The following DIAPH3 variants were observed in gnomAD, a reference collection of about 807,000 sequenced individuals.
DIAPH3 encodes diaphanous related formin 3.
DIAPH3 carries 117 observed loss-of-function variants against 144.3 expected under a neutral mutation model. That is an observed-to-expected ratio of 0.81 (90% CI 0.70 to 0.95). The LOEUF (loss-of-function observed/expected upper bound fraction) is 0.95, where lower values mean the gene tolerates loss of function less well. Among genes scored for constraint, DIAPH3 ranks in the 40% least tolerant of loss-of-function variants. The pLI, the probability that DIAPH3 is intolerant of heterozygous loss-of-function variation, is 0.00. For synonymous variants in DIAPH3, 519 were observed against 488.9 expected (o/e 1.06, Z -0.81); for missense variants, 1,421 against 1,412.7 (o/e 1.01, Z -0.09).
At chr13:59,860,951 C>G (rs1215029609) in intron 22 of DIAPH3, among the ~76,000 whole-genome samples, 1 of 151,906 alleles carries the variant, frequency 6.6e-6, no homozygotes, top group Non-Finnish European at 1.5e-5. Context: ...AGTATGGTGT[C>G]TTCTATAACA....
intron 27 of DIAPH3, among the ~76,000 whole-genome samples, chr13:59,724,472 G>C (rs989589256): frequency 2.0e-4 from 30 of 152,050 alleles, no homozygotes; most frequent in African/African-American, 7.0e-4. Flanking sequence ...CCTTACTCTC[G>C]GTATTTCTTG....
Position 59,778,181 on chromosome 13 carries a change from T to C in DIAPH3, c.3164-3358A>G, listed in dbSNP as rs563093358. Among the ~76,000 whole-genome samples the C allele has an allele frequency of 2.0e-5, 3 of 152,316 alleles. No individual in the cohort carries two copies. The South Asian group carries it at 6.2e-4, about 32-fold the overall frequency. ...CTCACTTTCTTCACCAAGCTAGCTC[T>C]TACCCTTCCTTCAAAACGGAGAACT... is the stretch of plus-strand genomic sequence containing the variant. On this transcript the variant is annotated intron_variant, in intron 25 of 27. Coordinates refer to ENST00000400324, the MANE Select transcript of DIAPH3 (RefSeq NM_001042517.2).
At chr13:60,035,279 T>G (rs2055126708) in intron 5 of DIAPH3, among the ~76,000 whole-genome samples, 1 of 152,144 alleles carries the variant, frequency 6.6e-6, no homozygotes, top group South Asian at 2.1e-4. Flanking sequence ...AAGCCAAAGC[T>G]TTTAAGATAC....
chr13:60,062,424 A>G (rs538258091), intron 4 of DIAPH3, among the ~76,000 whole-genome samples: 2 of 152,284 alleles, frequency 1.3e-5, no homozygotes, highest in African/African-American at 4.8e-5. Context: ...TTACTGGGTA[A>G]TTCTTTCCAG....
chr13:60,113,680 C>G (rs2138079309), intron 2 of DIAPH3, among the ~76,000 whole-genome samples: 1 of 152,166 alleles, frequency 6.6e-6, no homozygotes, highest in East Asian at 1.9e-4. Context: ...AACTGAAGAC[C>G]CAAAGAAATC....
At chr13:60,090,173 G>T (rs571177538) in intron 4 of DIAPH3, among the ~76,000 whole-genome samples, 2 of 152,294 alleles carry the variant, frequency 1.3e-5, no homozygotes, top group South Asian at 4.2e-4. Flanking sequence ...CCACCAGAGT[G>T]TACCGGACAA....
At chr13:59,848,560 T>C (rs1230689645) in intron 22 of DIAPH3, among the ~76,000 whole-genome samples, 1 of 140,786 alleles carries the variant, frequency 7.1e-6, no homozygotes, top group Non-Finnish European at 1.5e-5. Context: ...AGTGAGAATA[T>C]GCGGTGTTTG....
At chr13:60,076,144 C>T (rs542609606) in intron 4 of DIAPH3, among the ~76,000 whole-genome samples, 1 of 152,290 alleles carries the variant, frequency 6.6e-6, no homozygotes, top group South Asian at 2.1e-4. Context: ...CAAAGCAGCT[C>T]GAATAGCCTC....
intron 20 of DIAPH3, among the ~76,000 whole-genome samples, chr13:59,907,184 A>T (rs1031981808): frequency 6.6e-6 from 1 of 152,210 alleles, no homozygotes; most frequent in Non-Finnish European, 1.5e-5. Flanking sequence ...TTGCCTCTCA[A>T]ATATACACCA....
chr13:59,861,472 T>C lies in DIAPH3; in HGVS notation c.2672A>G (p.Glu891Gly). 1 of 1,613,834 alleles carries C rather than the reference T, an allele frequency of 6.2e-7. No homozygotes were observed. The highest frequency in any genetic ancestry group is 1.3e-5 in the African/African-American group (1 of 75,030). Reference sequence around the variant, plus strand: ...ATTCAGTATATCAGGGTACTTCTCTTCACATATTTCTACCAGGAAATGAAG... The same window carrying C: ...ATTCAGTATATCAGGGTACTTCTCTCCACATATTTCTACCAGGAAATGAAG... ...TLLHFLVEIC[E>G]EKYPDILNFV... Residue 891 changes from glutamate to glycine, a missense_variant, in exon 22 of 28, where the codon GAA (glutamate) becomes GGA (glycine). Glu to Gly is a moderately conservative substitution (Grantham distance 98). Coordinates refer to ENST00000400324, the MANE Select transcript of DIAPH3 (RefSeq NM_001042517.2).
In DIAPH3 at chr13:60,090,649, T is replaced by A. The variant is rs1183644510; in HGVS notation, c.495+2979A>T. ...TTCTGTTCTTTTCAGAGTAGCTTTT[T>A]CAATAGTCATTAATGTAAATAAAGT... On this transcript the variant is annotated intron_variant, in intron 4 of 27. Coordinates refer to ENST00000400324, the MANE Select transcript of DIAPH3 (RefSeq NM_001042517.2). 4.6e-5 allele frequency among the ~76,000 whole-genome samples: 7 copies of A among 152,228 alleles called. No homozygotes were observed. The East Asian group carries it at 1.3e-3, about 29-fold the overall frequency.
In DIAPH3 at chr13:59,666,827, C is replaced by T. The variant is rs9538494; in HGVS notation, c.3339G>A (p.Leu1113=). The T allele has an allele frequency of 0.24, 385,742 of 1,613,646 alleles. 49,116 individuals are homozygous for T. Among genetic ancestry groups the T allele is most frequent in the Non-Finnish European group, 0.27 (314,317 of 1,179,710 alleles). ...TGTAGTGTGAACGTGACCCTTCTGT[C>T]AACTGCACTTTCTGATTTTCTACAG... ...VCNHENQKVQ[L]TEGSRSHYNI... is the part of the protein sequence containing the mutation. Residue 1113 remains leucine, a synonymous_variant, in exon 28 of 28, where the codon TTG becomes TTA. Coordinates refer to ENST00000400324, the MANE Select transcript of DIAPH3 (RefSeq NM_001042517.2).
At chr13:59,705,847 A>G (rs922041996) in intron 27 of DIAPH3, among the ~76,000 whole-genome samples, 3 of 152,182 alleles carry the variant, frequency 2.0e-5, no homozygotes, top group African/African-American at 7.2e-5. Flanking sequence ...CATGGTTTAA[A>G]TGCACAACTT....
chr13:59,768,859 T>C (rs192298236), intron 27 of DIAPH3, among the ~76,000 whole-genome samples: 4 of 152,254 alleles, frequency 2.6e-5, no homozygotes, highest in African/African-American at 9.6e-5. Flanking sequence ...AAAGATAATA[T>C]AGCAAGATTT....
intron 17 of DIAPH3, among the ~76,000 whole-genome samples, chr13:59,935,511 A>C (rs2048220332): frequency 6.6e-6 from 1 of 152,230 alleles, no homozygotes; most frequent in African/African-American, 2.4e-5. Flanking sequence ...ATGGTTTCAA[A>C]GAAGGTTTAG....
chr13:59,765,708 A>ATTT (rs35328969), intron 27 of DIAPH3, among the ~76,000 whole-genome samples: 1 of 151,486 alleles, frequency 6.6e-6, no homozygotes, highest in African/African-American at 2.4e-5. Context: ...AACTACTGCT[A>ATTT]TTTTTTTTTA....
chr13:59,842,275 C>T (rs1048267269), intron 22 of DIAPH3, among the ~76,000 whole-genome samples: 2 of 152,108 alleles, frequency 1.3e-5, no homozygotes, highest in Non-Finnish European at 2.9e-5. Flanking sequence ...AAACCACATA[C>T]TTAAAATACT....
intron 17 of DIAPH3, among the ~76,000 whole-genome samples, chr13:59,959,322 G>T (rs2049605529): frequency 6.6e-6 from 1 of 152,156 alleles, no homozygotes; most frequent in South Asian, 2.1e-4. Flanking sequence ...TGTGAAATAA[G>T]AAATTTTATG....
chr13:59,757,105 T>C (rs1282358903), intron 27 of DIAPH3, among the ~76,000 whole-genome samples: 1 of 151,932 alleles, frequency 6.6e-6, no homozygotes, highest in Non-Finnish European at 1.5e-5. Context: ...TAAAGAAAAA[T>C]GCAAAACAAT....
Sources: gnomAD v4.1 joint callset for allele counts (sites outside exome capture counted in the v4.1 genomes callset) on GRCh38, gnomAD v4.1.1 for gene constraint, MANE v1.5 for transcripts, NCBI Gene and HGNC (gene_info 2026-07-23, HGNC 2026-07-21) for gene names.